Variants in HS6ST3 observed in about 807,000 individuals in gnomAD.
HS6ST3 encodes the protein heparan sulfate 6-O-sulfotransferase 3.
HS6ST3 carries 12 observed loss-of-function variants against 36.7 expected under a neutral mutation model. The ratio of observed to expected loss-of-function variants is 0.33; its 90% confidence interval spans 0.21 to 0.53. HS6ST3 has a LOEUF of 0.53. Among genes scored for constraint, HS6ST3 ranks in the 20% least tolerant of loss-of-function variants. The pLI is 0.95. For synonymous variants in HS6ST3, 240 were observed against 257.5 expected (o/e 0.93, Z 0.65); for missense variants, 584 against 640.9 (o/e 0.91, Z 0.96).
intron 1 of HS6ST3, among the ~76,000 whole-genome samples, chr13:96,424,725 C>T (rs545342503): frequency 3.3e-5 from 5 of 152,024 alleles, no homozygotes; most frequent in Non-Finnish European, 7.4e-5. Context: ...AGGGATCTGC[C>T]CTCGTGACCT....
chr13:96,357,871 A>G (rs2055217841), intron 1 of HS6ST3, among the ~76,000 whole-genome samples: 1 of 152,216 alleles, frequency 6.6e-6, no homozygotes, highest in African/African-American at 2.4e-5. Flanking sequence ...AAACAATTAC[A>G]ATAGTAACAG....
At chr13:96,532,225 G>A (rs928823363) in intron 1 of HS6ST3, among the ~76,000 whole-genome samples, 6 of 152,262 alleles carry the variant, frequency 3.9e-5, no homozygotes, top group African/African-American at 1.2e-4. Flanking sequence ...GGGGAATAAC[G>A]GGCATCTAAA....
intron 1 of HS6ST3, among the ~76,000 whole-genome samples, chr13:96,241,765 G>A (rs1200838062): frequency 6.7e-6 from 1 of 149,136 alleles, no homozygotes; most frequent in Non-Finnish European, 1.5e-5. Context: ...AAGGAATGAT[G>A]TAATATTTTC....
chr13:96,416,020 A>C (rs531086967), intron 1 of HS6ST3, among the ~76,000 whole-genome samples: 74 of 152,332 alleles, frequency 4.9e-4, no homozygotes, highest in African/African-American at 9.9e-4. Context: ...AAGGAGAAGC[A>C]GTCTATCAAA....
At chr13:96,755,269 G>A (rs2138495469) in intron 1 of HS6ST3, among the ~76,000 whole-genome samples, 1 of 152,086 alleles carries the variant, frequency 6.6e-6, no homozygotes, top group South Asian at 2.1e-4. Context: ...ACACACTTTT[G>A]TGTTTGCCTT....
intron 1 of HS6ST3, among the ~76,000 whole-genome samples, chr13:96,209,729 T>C (rs1166958780): frequency 1.3e-5 from 2 of 152,134 alleles, no homozygotes; most frequent in African/African-American, 4.8e-5. Context: ...CTAGGGGGAT[T>C]GTACTTGCTA....
chr13:96,810,461 C>A (rs947451655), intron 1 of HS6ST3, among the ~76,000 whole-genome samples: 1 of 152,180 alleles, frequency 6.6e-6, no homozygotes, highest in Non-Finnish European at 1.5e-5. Flanking sequence ...GAACCGCTGA[C>A]CTTTACTTAA....
intron 1 of HS6ST3, among the ~76,000 whole-genome samples, chr13:96,572,826 A>G (rs1478256426): frequency 1.3e-5 from 2 of 152,202 alleles, no homozygotes; most frequent in Non-Finnish European, 2.9e-5. Context: ...TCAACTTCCA[A>G]GATGCATATT....
chr13:96,235,104 T>C (rs1204910956), intron 1 of HS6ST3, among the ~76,000 whole-genome samples: 1 of 152,098 alleles, frequency 6.6e-6, no homozygotes, highest in African/African-American at 2.4e-5. Flanking sequence ...ATTAAGACCA[T>C]GTTGTAGAAG....
intron 1 of HS6ST3, among the ~76,000 whole-genome samples, chr13:96,420,429 G>T (rs973334634): frequency 3.3e-5 from 5 of 151,950 alleles, no homozygotes; most frequent in African/African-American, 1.2e-4. Flanking sequence ...TGATATACTT[G>T]CTGAATGTAC....
chr13:96,814,225 A>G (rs1028166737), intron 1 of HS6ST3, among the ~76,000 whole-genome samples: 2 of 152,124 alleles, frequency 1.3e-5, no homozygotes, highest in African/African-American at 4.8e-5. Context: ...TTTTTTCCAC[A>G]GAGTGCAAAG....
chr13:96,778,341 A>C (rs1321977525), intron 1 of HS6ST3, among the ~76,000 whole-genome samples: 1 of 152,224 alleles, frequency 6.6e-6, no homozygotes, highest in Non-Finnish European at 1.5e-5. Context: ...AATTAAACTA[A>C]AGAGCTTCTG....
chr13:96,522,009 C>G (rs1045085037), intron 1 of HS6ST3, among the ~76,000 whole-genome samples: 1 of 152,176 alleles, frequency 6.6e-6, no homozygotes, highest in Non-Finnish European at 1.5e-5. Flanking sequence ...TTTCCCTCTA[C>G]ACACTGCTTT....
At chr13:96,254,434 A>T (rs1274043648) in intron 1 of HS6ST3, among the ~76,000 whole-genome samples, 3 of 57,148 alleles carry the variant, frequency 5.2e-5, no homozygotes, top group African/African-American at 1.4e-4. Context: ...AAAAAAAAAA[A>T]AAAAAAAAAA....
At chr13:96,515,875 A>G (rs2056070307) in intron 1 of HS6ST3, among the ~76,000 whole-genome samples, 1 of 152,158 alleles carries the variant, frequency 6.6e-6, no homozygotes, top group Non-Finnish European at 1.5e-5. Context: ...AAGATACTTT[A>G]TAGCAGCGTA....
At chr13:96,593,517 A>G (rs901943542) in intron 1 of HS6ST3, among the ~76,000 whole-genome samples, 1 of 151,334 alleles carries the variant, frequency 6.6e-6, no homozygotes, top group Non-Finnish European at 1.5e-5. Flanking sequence ...TTCAAATAGC[A>G]TGTTTTCAAG....
chr13:96,183,159 A>G lies in HS6ST3; in HGVS notation c.707+91590A>G, dbSNP rs149552544. On this transcript the variant is annotated intron_variant, in intron 1 of 1. Coordinates refer to ENST00000376705, the MANE Select transcript of HS6ST3 (RefSeq NM_153456.4). ...GGAAAAATGACTGAATTGAAAATAT[A>G]AGCTTGGAAATTACAGAGTGCTATG... Among the ~76,000 whole-genome samples, 1,475 of 152,324 alleles carry G rather than the reference A, an allele frequency of 9.7e-3. 24 individuals carry two copies. The highest frequency in any genetic ancestry group is 0.034 in the African/African-American group (1,417 of 41,556).
intron 1 of HS6ST3, among the ~76,000 whole-genome samples, chr13:96,392,985 C>G (rs2055403439): frequency 1.3e-5 from 2 of 152,102 alleles, no homozygotes; most frequent in Admixed American, 1.3e-4. Context: ...ATGGGAGGGA[C>G]CTGGTGGGAG....
chr13:96,534,028 G>A (rs2056145765), intron 1 of HS6ST3, among the ~76,000 whole-genome samples: 1 of 152,146 alleles, frequency 6.6e-6, no homozygotes, highest in African/African-American at 2.4e-5. Context: ...TTGGATCTCA[G>A]CTGTTTTTAA....
Sources: gnomAD v4.1 joint callset for allele counts (sites outside exome capture counted in the v4.1 genomes callset) on GRCh38, gnomAD v4.1.1 for gene constraint, MANE v1.5 for transcripts, NCBI Gene and HGNC (gene_info 2026-07-23, HGNC 2026-07-21) for gene names.